ESCO2: variants seen among roughly 807,000 people sequenced by gnomAD.
ESCO2 encodes establishment of sister chromatid cohesion N-acetyltransferase 2.
ESCO2 carries 51 observed loss-of-function variants against 61.7 expected under a neutral mutation model. That is an observed-to-expected ratio of 0.83 (90% CI 0.66 to 1.04). The LOEUF (loss-of-function observed/expected upper bound fraction) is 1.04, where lower values mean the gene tolerates loss of function less well. ESCO2 is among the 50% of genes least tolerant of loss of function. ESCO2 has a pLI of 0.00. For synonymous variants in ESCO2, 230 were observed against 238.2 expected, an observed-to-expected ratio of 0.97 and a Z score of 0.32; for missense variants, 692 against 686.2, an observed-to-expected ratio of 1.01 and a Z score of -0.09.
chr8:27,803,578 A>ACACC lies in ESCO2; in HGVS notation c.*140_*141insCACC. 6.9e-7 allele frequency: 1 copy of ACACC among 1,447,226 alleles called. No individual in the cohort carries two copies. Among genetic ancestry groups the ACACC allele is most frequent in the Non-Finnish European group, 9.0e-7 (1 of 1,108,678 alleles). 89.6% of individuals were successfully genotyped at this position (1,447,226 alleles called of 1,614,324 possible). A position where few individuals can be genotyped will look rare whatever the true frequency, so the allele number is the denominator to read the frequency against. On this transcript the variant is annotated 3_prime_UTR_variant, in exon 11 of 11. Transcript: ENST00000305188. ...CACACACACACACACGCACACACAC[A>ACACC]TATCACAGTTTTGTTCCTTATGAGT... is the stretch of plus-strand genomic sequence containing the variant.
intron 9 of ESCO2, among the ~76,000 whole-genome samples, chr8:27,796,646 G>T (rs2128956975): frequency 6.6e-6 from 1 of 152,250 alleles, no homozygotes; most frequent in African/African-American, 2.4e-5. Context: ...TTGTTCAGGA[G>T]CATGTGGTTT....
At chr8:27,772,368 T>C, upstream of ESCO2, 1 of 750,240 alleles carries the variant, frequency 1.3e-6, no homozygotes. Flanking sequence ...GGGACGGATG[T>C]GCTGGGGGAC....
In ESCO2 at chr8:27,787,878, TG is replaced by T; in HGVS notation, c.1014-6del. On this transcript the variant is annotated splice_polypyrimidine_tract_variant and splice_region_variant and intron_variant, in intron 5 of 10. Coordinates refer to ENST00000305188, the MANE Select transcript of ESCO2 (RefSeq NM_001017420.3). ...TAAATTTATATATATCAACTTTCTG[TG>T]TCAAGATCTTTAGGTGAAGAACAGT... 1 of 1,595,334 alleles carries T rather than the reference TG, an allele frequency of 6.3e-7. No homozygotes were observed. The highest frequency in any genetic ancestry group is 1.7e-5 in the Admixed American group (1 of 59,994).
chr8:27,798,896 G>A (rs970395911), intron 9 of ESCO2, among the ~76,000 whole-genome samples: 1 of 152,150 alleles, frequency 6.6e-6, no homozygotes, highest in Admixed American at 6.5e-5. Flanking sequence ...TGACTATAAT[G>A]AGGAAGAAGA....
chr8:27,814,532 A>G (rs538096250), downstream of ESCO2, among the ~76,000 whole-genome samples: 1 of 152,012 alleles, frequency 6.6e-6, no homozygotes, highest in Non-Finnish European at 1.5e-5. Flanking sequence ...ATTTCTGCTC[A>G]TAGCTTTATT....
At chr8:27,794,821 A>G (rs1375233298) in intron 9 of ESCO2, among the ~76,000 whole-genome samples, 1 of 152,080 alleles carries the variant, frequency 6.6e-6, no homozygotes, top group Non-Finnish European at 1.5e-5. Flanking sequence ...GACACCATTT[A>G]TTGAAGAGAC....
chr8:27,776,339 A>G (rs1023502090), intron 2 of ESCO2, 23 bp from the exon 3 acceptor site: 3 of 1,578,312 alleles, frequency 1.9e-6, no homozygotes, highest in East Asian at 4.5e-5. Context: ...AATCTTATCA[A>G]TGGACTTTGT....
intron 4 of ESCO2, among the ~76,000 whole-genome samples, chr8:27,781,750 C>G (rs899880493): frequency 6.6e-6 from 1 of 151,838 alleles, no homozygotes; most frequent in Non-Finnish European, 1.5e-5. Flanking sequence ...TGGGGTTTCA[C>G]CATGTTGGCC....
intron 10 of ESCO2, among the ~76,000 whole-genome samples, chr8:27,801,900 T>C (rs1805433764): frequency 6.6e-6 from 1 of 151,882 alleles, no homozygotes; most frequent in South Asian, 2.1e-4. Flanking sequence ...AAATTTAATA[T>C]TGATGTAATG....
chr8:27,819,491 C>A, the ESCO2 span, among the ~76,000 whole-genome samples: 1 of 151,904 alleles, frequency 6.6e-6, no homozygotes, highest in African/African-American at 2.4e-5. Context: ...GTTTTAAATT[C>A]CTAAAAAGTT....
Position 27,788,882 on chromosome 8 carries a change from C to T in ESCO2, c.1167C>T (p.Cys389=). 1 of 1,614,064 alleles carries T rather than the reference C, an allele frequency of 6.2e-7. No homozygotes were observed. Residue 389 remains cysteine (C), a synonymous_variant, in exon 7 of 11, where the codon TGC becomes TGT. Coordinates refer to ENST00000305188, the MANE Select transcript of ESCO2 (RefSeq NM_001017420.3). ...AGAAACATTTTGGGGCTACTGTGTG[C>T]AAGTCTTGTGGTATGATATATACTG... ...AGQKHFGATV[C]KSCGMIYTAS... is the part of the protein sequence containing the mutation.
At chr8:27,775,632 C>T in intron 2 of ESCO2, 65 bp downstream of exon 2, 3 of 1,565,782 alleles carry the variant, frequency 1.9e-6, no homozygotes, top group South Asian at 1.1e-5. Context: ...CTTGTTCTCT[C>T]CTATTTTCTA....
intron 5 of ESCO2, among the ~76,000 whole-genome samples, chr8:27,785,620 A>T (rs1370483102): frequency 6.7e-6 from 1 of 148,648 alleles, no homozygotes; most frequent in Non-Finnish European, 1.5e-5. Flanking sequence ...GACTAGCTTG[A>T]ACCCAAGAGG....
upstream of ESCO2, chr8:27,772,467 G>C (rs1416846735): frequency 3.9e-6 from 6 of 1,543,414 alleles, 1 homozygote; most frequent in South Asian, 7.2e-5. Flanking sequence ...CCCGGCTTCG[G>C]AGCCCGCTGT....
intron 4 of ESCO2, among the ~76,000 whole-genome samples, chr8:27,780,881 T>C (rs549267444): frequency 1.8e-4 from 28 of 152,292 alleles, no homozygotes; most frequent in African/African-American, 5.8e-4. Context: ...TTCTGAGATA[T>C]GATGTTAATA....
At chr8:27,816,381 TA>T (rs1563489376), downstream of ESCO2, among the ~76,000 whole-genome samples, 37 of 42,286 alleles carry the variant, frequency 8.7e-4, no homozygotes, top group Admixed American at 4.6e-3. Flanking sequence ...TTATTTATTT[TA>T]ATTTATTTTT....
upstream of ESCO2, chr8:27,772,752 G>C (rs1376665745): frequency 1.1e-5 from 6 of 570,162 alleles, no homozygotes; most frequent in South Asian, 2.3e-5. Context: ...TCAGTGATTT[G>C]TGGGTTAAGG....
intron 10 of ESCO2, among the ~76,000 whole-genome samples, chr8:27,801,816 T>G (rs1399822018): frequency 1.3e-5 from 2 of 152,110 alleles, no homozygotes; most frequent in Admixed American, 1.3e-4. Flanking sequence ...CTTTACCCCT[T>G]CATGCATTGG....
upstream of ESCO2, chr8:27,774,499 G>A (rs1311038631): frequency 1.3e-5 from 2 of 152,256 alleles, no homozygotes; most frequent in African/African-American, 2.4e-5. Flanking sequence ...GCTGAGCCGT[G>A]GCCAATCGGA....
Sources: allele counts gnomAD v4.1 joint callset (sites outside exome capture counted in the v4.1 genomes callset), GRCh38; gene constraint gnomAD v4.1.1; transcripts MANE v1.5; gene names NCBI Gene and HGNC (gene_info 2026-07-23, HGNC 2026-07-21).